The following RGS6 variants were observed in gnomAD, a reference collection of about 807,000 sequenced individuals.
RGS6 encodes the protein regulator of G-protein signaling 6.
Under a neutral mutation model 78.5 loss-of-function variants are expected in RGS6, and 30 were observed. That is an observed-to-expected ratio of 0.38 (90% CI 0.29 to 0.52). The LOEUF is 0.52. Among genes scored for constraint, RGS6 ranks in the 20% least tolerant of loss-of-function variants. RGS6 has a pLI of 0.85. For missense variants in RGS6, 495 were observed against 609.7 expected, an observed-to-expected ratio of 0.81 and a Z score of 1.98; for synonymous variants, 206 against 206.0, an observed-to-expected ratio of 1.00 and a Z score of 0.00.
At chr14:72,381,813 A>T (rs1012649109) in intron 3 of RGS6, among the ~76,000 whole-genome samples, 4 of 152,114 alleles carry the variant, frequency 2.6e-5, no homozygotes, top group Non-Finnish European at 4.4e-5. Context: ...AATAATATCC[A>T]CTATGAGGAG....
the RGS6 span, among the ~76,000 whole-genome samples, chr14:71,877,645 T>C: frequency 2.4e-4 from 37 of 152,342 alleles, no homozygotes; most frequent in African/African-American, 8.7e-4. Context: ...CTCAGAGAAG[T>C]TTGTTATTAC....
intron 1 of RGS6, among the ~76,000 whole-genome samples, chr14:71,941,116 C>G (rs2090470865): frequency 6.6e-6 from 1 of 152,182 alleles, no homozygotes; most frequent in South Asian, 2.1e-4. Flanking sequence ...TTTCTTTCAT[C>G]ACTTTGTCCG....
intron 2 of RGS6, among the ~76,000 whole-genome samples, chr14:72,086,549 A>G (rs17179483): frequency 0.048 from 7,289 of 152,212 alleles, 171 homozygotes; most frequent in Middle Eastern, 0.061. Context: ...ATGACAGTAT[A>G]GCAGAACATA....
chr14:72,324,705 A>G (rs1291605259), intron 2 of RGS6, among the ~76,000 whole-genome samples: 1 of 152,062 alleles, frequency 6.6e-6, no homozygotes, highest in East Asian at 1.9e-4. Flanking sequence ...TTATGGCTGC[A>G]TAGTATTCCA....
chr14:72,597,705 C>T, the RGS6 span, among the ~76,000 whole-genome samples: 64,180 of 152,130 alleles, frequency 0.42, 14,616 homozygotes, highest in East Asian at 0.75. Context: ...CTCAAACATT[C>T]ATCATTTCTT....
At chr14:72,525,488 C>A (rs74060906) in intron 15 of RGS6, among the ~76,000 whole-genome samples, 2,087 of 152,288 alleles carry the variant, frequency 0.014, 49 homozygotes, top group African/African-American at 0.048. Context: ...GAGAAAGATA[C>A]CGTCAAGTCC....
intron 1 of RGS6, among the ~76,000 whole-genome samples, chr14:71,949,780 A>AT (rs3053024): frequency 0.057 from 7,379 of 128,838 alleles, 430 homozygotes; most frequent in African/African-American, 0.16. Context: ...TAGAAGCTCT[A>AT]TTTTTTTTTT....
At chr14:72,324,363 TC>T (rs2073089119) in intron 2 of RGS6, among the ~76,000 whole-genome samples, 1 of 151,940 alleles carries the variant, frequency 6.6e-6, no homozygotes, top group South Asian at 2.1e-4. Flanking sequence ...AAAGGACTAT[TC>T]TTTTTTTTTT....
At chr14:72,299,499 G>A (rs1047852321) in intron 2 of RGS6, among the ~76,000 whole-genome samples, 1 of 152,190 alleles carries the variant, frequency 6.6e-6, no homozygotes, top group Non-Finnish European at 1.5e-5. Context: ...TATACCTAGG[G>A]GAAGAATTTC....
chr14:72,075,373 A>T (rs1322548066), intron 2 of RGS6, among the ~76,000 whole-genome samples: 2 of 152,220 alleles, frequency 1.3e-5, no homozygotes, highest in African/African-American at 4.8e-5. Flanking sequence ...AGTAAATACG[A>T]TACAGCCTTG....
At chr14:72,117,691 C>T (rs940521749) in intron 2 of RGS6, among the ~76,000 whole-genome samples, 7 of 152,064 alleles carry the variant, frequency 4.6e-5, no homozygotes, top group African/African-American at 1.2e-4. Context: ...TCATGGTGCA[C>T]GATCTACATT....
chr14:72,496,474 A>G (rs973205080), intron 13 of RGS6, among the ~76,000 whole-genome samples: 3 of 152,238 alleles, frequency 2.0e-5, no homozygotes, highest in African/African-American at 7.2e-5. Context: ...AAAAATTAAC[A>G]TGGAATAAGA....
intron 2 of RGS6, among the ~76,000 whole-genome samples, chr14:72,271,729 A>C (rs1915131): frequency 0.52 from 79,406 of 152,038 alleles, 21,420 homozygotes; most frequent in Non-Finnish European, 0.59. Flanking sequence ...CACAGTTCTG[A>C]AGTCAGAAAT....
intron 17 of RGS6, among the ~76,000 whole-genome samples, chr14:72,559,780 G>A (rs542500715): frequency 2.6e-5 from 4 of 152,280 alleles, no homozygotes; most frequent in Non-Finnish European, 4.4e-5. Context: ...GAGTCAGAGC[G>A]GTGAGGCTGA....
chr14:72,580,307 T>TCCCCCCCCCCCCCCCCCCCCCCCCCCC, the RGS6 span, among the ~76,000 whole-genome samples: 1 of 127,512 alleles, frequency 7.8e-6, no homozygotes, highest in African/African-American at 3.6e-5. Flanking sequence ...AGCAAAAATG[T>TCCCCCCCCCCCCCCCCCCCCCCCCCCC]CCCCCCCACC....
At chr14:72,129,924 C>T (rs2096279335) in intron 2 of RGS6, among the ~76,000 whole-genome samples, 1 of 152,162 alleles carries the variant, frequency 6.6e-6, no homozygotes, top group East Asian at 1.9e-4. Context: ...CAGCTCAATT[C>T]AGTTCTGACA....
chr14:72,016,071 C>A (rs2086896446), intron 2 of RGS6, among the ~76,000 whole-genome samples: 1 of 152,074 alleles, frequency 6.6e-6, no homozygotes, highest in Non-Finnish European at 1.5e-5. Context: ...TCATATTTAT[C>A]CATTTCTCCT....
At chr14:72,586,302 A>G in the RGS6 span, among the ~76,000 whole-genome samples, 4 of 152,286 alleles carry the variant, frequency 2.6e-5, no homozygotes, top group East Asian at 5.8e-4. Context: ...GCCCTTATCA[A>G]TGGCTTGTTA....
chr14:72,246,615 G>A (rs890382534), intron 2 of RGS6, among the ~76,000 whole-genome samples: 5 of 152,036 alleles, frequency 3.3e-5, no homozygotes, highest in African/African-American at 1.2e-4. Context: ...ATTATTTTAA[G>A]AATATTATTG....
Sources: gnomAD v4.1 joint callset for allele counts (sites outside exome capture counted in the v4.1 genomes callset) on GRCh38, gnomAD v4.1.1 for gene constraint, MANE v1.5 for transcripts, NCBI Gene and HGNC (gene_info 2026-07-23, HGNC 2026-07-21) for gene names.